DENND6B: variants seen among roughly 807,000 people sequenced by gnomAD.
DENND6B encodes the protein DENN domain containing 6B, also known as protein DENND6B.
DENND6B carries 73 observed loss-of-function variants against 85.1 expected under a neutral mutation model. That is an observed-to-expected ratio of 0.86 (90% CI 0.71 to 1.04). The LOEUF is 1.04. Ranked by LOEUF, DENND6B falls within the 50% of genes least tolerant of loss-of-function variation. The pLI is 0.00. For missense variants in DENND6B, 715 were observed against 785.8 expected (o/e 0.91, Z 1.08); for synonymous variants, 357 against 329.3 (o/e 1.08, Z -0.91).
chr22:50,313,623 C>A lies in DENND6B; in HGVS notation c.1293+12G>T. The A allele has an allele frequency of 6.4e-7, 1 of 1,561,474 alleles. No homozygotes were observed. The highest frequency in any genetic ancestry group is 8.6e-7 in the Non-Finnish European group (1 of 1,156,450). ...GCCCCCCAGTCCCATGTCCCCCAGC[C>A]CCGGGCCTCACCAGGGGGATGATGA... On this transcript the variant is annotated intron_variant, in intron 15 of 19. Transcript: ENST00000413817.
rs566150602 is a variant in DENND6B, at chr22:50,322,476, A to G, written c.178-3473T>C. Among the ~76,000 whole-genome samples the G allele has an allele frequency of 8.5e-5, 13 of 152,364 alleles. No homozygotes were observed. In the South Asian group the frequency reaches 2.5e-3, roughly 29 times the overall value. On this transcript the variant is annotated intron_variant, in intron 1 of 19. Transcript: ENST00000413817. Reference sequence around the variant, plus strand: ...AGTGAAAGTGGTATTCTAACTGACCAGAGTTCACTCCAGAGACCTCTGAGG... The same window carrying G: ...AGTGAAAGTGGTATTCTAACTGACCGGAGTTCACTCCAGAGACCTCTGAGG...
chr22:50,317,336 C>T lies in DENND6B; in HGVS notation c.410G>A (p.Arg137Lys). The T allele has an allele frequency of 2.5e-6, 4 of 1,613,136 alleles. No individual in the cohort carries two copies. Among genetic ancestry groups the T allele is most frequent in the Non-Finnish European group, 3.4e-6 (4 of 1,179,712 alleles). The change falls in exon 5 of 20, where the codon AGG (arginine) becomes AAG (lysine). Residue 137 changes from arginine to lysine, a missense_variant. Physicochemically the swap from Arg to Lys is conservative, Grantham distance 26. Coordinates refer to ENST00000413817, the MANE Select transcript of DENND6B (RefSeq NM_001001794.4). ...PAHYFGYVYF[R>K]QVKDSSVKRG... ...CTTCACAGAGCTGTCCTTCACCTGC[C>T]TGAAGTACACGTAGCCGAAGTAGTG...
Position 50,310,447 on chromosome 22 carries a change from G to A in DENND6B, c.*1692C>T, listed in dbSNP as rs1223330723. On this transcript the variant is annotated 3_prime_UTR_variant, in exon 20 of 20. Transcript: ENST00000413817. ...GCAGTTGGGCTGGACAAGTTGACATGTACCAAGTTCTGAGAACTACCTGGC... is the reference window on the plus strand; with the variant it reads ...GCAGTTGGGCTGGACAAGTTGACATATACCAAGTTCTGAGAACTACCTGGC... The A allele has an allele frequency of 3.3e-5, 5 of 152,260 alleles. No homozygotes were observed. The highest frequency in any genetic ancestry group is 2.1e-4 in the South Asian group (1 of 4,834). The allele number at this position is 152,260 out of a possible 1,614,324, so 9.4% of individuals were successfully genotyped here.
chr22:50,323,987 G>A (rs929000375), intron 1 of DENND6B, among the ~76,000 whole-genome samples: 3 of 152,058 alleles, frequency 2.0e-5, no homozygotes, highest in Non-Finnish European at 4.4e-5. Context: ...CTCCTGCCTC[G>A]GCCTCCTAAA....
rs780619000 is a variant in DENND6B at position 50,316,266 on chromosome 22, T to G, written c.560-13A>C. 1.4e-5 allele frequency: 22 copies of G among 1,590,406 alleles called. No homozygotes were observed. Among genetic ancestry groups the G allele is most frequent in the Non-Finnish European group, 1.8e-5 (21 of 1,169,002 alleles). On this transcript the variant is annotated splice_polypyrimidine_tract_variant and intron_variant, in intron 6 of 19. Coordinates refer to ENST00000413817, the MANE Select transcript of DENND6B (RefSeq NM_001001794.4). ...ATCTCACTGCACACTGCGGATGCAG[T>G]AGCCCGCATCAGGACCCTCCCCAAG...
At chr22:50,326,215 C>T (rs1046967855) in intron 1 of DENND6B, among the ~76,000 whole-genome samples, 2 of 152,232 alleles carry the variant, frequency 1.3e-5, no homozygotes, top group Non-Finnish European at 2.9e-5. Context: ...GATGAACAGA[C>T]CCCCACGAGC....
At chr22:50,312,977 C>A in intron 17 of DENND6B, 22 bp downstream of exon 17, 1 of 1,544,896 alleles carries the variant, frequency 6.5e-7, no homozygotes. Context: ...GCTCAAGCTG[C>A]CTGCACCTGC....
At position 50,312,505 on chromosome 22, in the gene DENND6B, A is replaced by G; in HGVS notation, c.1560+18T>C. ...CCCCACCATGTTCTGGCCCTCCCCA[A>G]CCCCCAGCCTCTCTCACCGCCTCAC... On this transcript the variant is annotated intron_variant, in intron 18 of 19. Coordinates refer to ENST00000413817, the MANE Select transcript of DENND6B (RefSeq NM_001001794.4). 1.3e-6 allele frequency: 2 copies of G among 1,572,616 alleles called. No individual in the cohort carries two copies. Among genetic ancestry groups the G allele is most frequent in the South Asian group, 1.2e-5 (1 of 86,120 alleles).
chr22:50,316,511 C>T (rs760371381), intron 5 of DENND6B, 36 bp from the exon 6 acceptor site: 17 of 1,552,376 alleles, frequency 1.1e-5, no homozygotes, highest in Middle Eastern at 1.7e-4. Context: ...GGCCCAGTGC[C>T]AGGCCTCACC....
rs1346219099 is a variant in DENND6B at position 50,312,522 on chromosome 22, C to T, written c.1560+1G>A. 2 of 1,583,970 alleles carry T rather than the reference C, an allele frequency of 1.3e-6. No homozygotes were observed. Among genetic ancestry groups the T allele is most frequent in the Non-Finnish European group, 1.7e-6 (2 of 1,166,004 alleles). ...CCTCCCCAACCCCCAGCCTCTCTCA[C>T]CGCCTCACAGATAGCCTCCAGGTGC... On this transcript the variant is annotated splice_donor_variant, in intron 18 of 19. Coordinates refer to ENST00000413817, the MANE Select transcript of DENND6B (RefSeq NM_001001794.4). LOFTEE classifies it high-confidence loss of function.
chr22:50,312,628 G>T lies in DENND6B; in HGVS notation c.1458-3C>A, dbSNP rs778674971. The T allele has an allele frequency of 1.9e-6, 3 of 1,566,406 alleles. No homozygotes were observed. In the African/African-American group the frequency reaches 4.1e-5, roughly 21 times the overall value. On this transcript the variant is annotated splice_region_variant and splice_polypyrimidine_tract_variant and intron_variant, in intron 17 of 19. Coordinates refer to ENST00000413817, the MANE Select transcript of DENND6B (RefSeq NM_001001794.4). Reference sequence around the variant, plus strand: ...AATGGGGGGACTTGAAAAACCGCCTGTGGGGATTAACAGGCGGGGGGCCAT... The same window carrying T: ...AATGGGGGGACTTGAAAAACCGCCTTTGGGGATTAACAGGCGGGGGGCCAT...
chr22:50,313,598 G>A, intron 15 of DENND6B, 37 bp downstream of exon 15: 3 of 851,598 alleles, frequency 3.5e-6, no homozygotes, highest in East Asian at 1.5e-4. Flanking sequence ...CCAGCCCCGT[G>A]CCCCCCAGTC....
Position 50,326,877 on chromosome 22 carries a change from AG to A in DENND6B, c.111del (p.Phe38SerfsTer102). 1 of 1,419,852 alleles carries A rather than the reference AG, an allele frequency of 7.0e-7. No individual in the cohort carries two copies. The highest frequency in any genetic ancestry group is 9.2e-7 in the Non-Finnish European group (1 of 1,087,634). The allele number at this position is 1,419,852 out of a possible 1,614,324, so 88.0% of individuals were successfully genotyped here. ...CACACACACTCCAGCCAGGCGGAGA[AG>A]CGCGCCCAGGGCGCCGCCGGGGTCC... is the stretch of plus-strand genomic sequence containing the variant. ...AARTPAAPWARFSAWLECVCV... is the reference protein window; with the variant it reads ...AARTPAAPWAXFSAWLECVCV... On this transcript the variant is annotated frameshift_variant, in exon 1 of 20. Coordinates refer to ENST00000413817, the MANE Select transcript of DENND6B (RefSeq NM_001001794.4). LOFTEE classifies it high-confidence loss of function.
chr22:50,312,302 C>T, intron 19 of DENND6B, 41 bp from the exon 20 acceptor site: 1 of 1,611,160 alleles, frequency 6.2e-7, no homozygotes, highest in South Asian at 1.1e-5. Context: ...CAGCTCCGTG[C>T]CAGGCTGGTG....
chr22:50,313,423 CA>C, intron 16 of DENND6B, 22 bp downstream of exon 16: 2 of 1,542,732 alleles, frequency 1.3e-6, no homozygotes, highest in Non-Finnish European at 8.7e-7. Context: ...ATGGACCCCA[CA>C]AAACCCCCAC....
chr22:50,320,695 G>C (rs1013739678), intron 1 of DENND6B, among the ~76,000 whole-genome samples: 1 of 152,160 alleles, frequency 6.6e-6, no homozygotes, highest in African/African-American at 2.4e-5. Context: ...TCCATGAGGG[G>C]CTGGAGATAT....
In DENND6B at chr22:50,318,828, G is replaced by T; in HGVS notation, c.259+19C>A. On this transcript the variant is annotated intron_variant, in intron 3 of 19. Coordinates refer to ENST00000413817, the MANE Select transcript of DENND6B (RefSeq NM_001001794.4). ...CAGCTGGCTTCATGTCCAGCCCCAG[G>T]AAAGGTGGGGTTGCCTACCTGAGTG... is the stretch of plus-strand genomic sequence containing the variant. 6.2e-7 allele frequency: 1 copy of T among 1,612,710 alleles called. No individual in the cohort carries two copies. The highest frequency in any genetic ancestry group is 8.5e-7 in the Non-Finnish European group (1 of 1,179,472).
chr22:50,311,813 C>T lies in DENND6B; in HGVS notation c.*326G>A, dbSNP rs181277120. ...GGGTCGGGGGCCAACAGATGGGCAC[C>T]GGGAGGGGCAGACGGTAGACGCACC... On this transcript the variant is annotated 3_prime_UTR_variant, in exon 20 of 20. Coordinates refer to ENST00000413817, the MANE Select transcript of DENND6B (RefSeq NM_001001794.4). The T allele has an allele frequency of 4.3e-4, 163 of 382,912 alleles. No homozygotes were observed. Among genetic ancestry groups the T allele is most frequent in the African/African-American group, 3.2e-3 (154 of 48,622 alleles). The allele number at this position is 382,912 out of a possible 1,614,324, so 23.7% of individuals were successfully genotyped here. A position where few individuals can be genotyped will look rare whatever the true frequency, so the allele number is the denominator to read the frequency against.
At position 50,322,078 on chromosome 22, in the gene DENND6B, A is replaced by ATTT. The variant is rs71198240; in HGVS notation, c.178-3078_178-3076dup. 8.2e-3 allele frequency among the ~76,000 whole-genome samples: 1,179 copies of ATTT among 143,010 alleles called. 13 individuals carry two copies. Among genetic ancestry groups the ATTT allele is most frequent in the East Asian group, 0.052 (252 of 4,892 alleles). The allele number at this position is 143,010 out of a possible 152,430, so 93.8% of individuals were successfully genotyped here. A position where few individuals can be genotyped will look rare whatever the true frequency, so the allele number is the denominator to read the frequency against. ...AAAAAACTCTTTGGGGTCCTCAATA[A>ATTT]TTTTTTTTTTTTTTGAGATGGAGTC... On this transcript the variant is annotated intron_variant, in intron 1 of 19. Coordinates refer to ENST00000413817, the MANE Select transcript of DENND6B (RefSeq NM_001001794.4).
Sources: gnomAD v4.1 joint callset for allele counts (sites outside exome capture counted in the v4.1 genomes callset) on GRCh38, gnomAD v4.1.1 for gene constraint, MANE v1.5 for transcripts, NCBI Gene and HGNC (gene_info 2026-07-23, HGNC 2026-07-21) for gene names.